Variants in CHSY1 observed in about 807,000 individuals in gnomAD.
CHSY1 encodes the protein N-acetylgalactosaminyl-proteoglycan 3-beta-glucuronosyltransferase 1.
In CHSY1, 13 loss-of-function variants were observed where a neutral mutation model predicts 59.8. The ratio of observed to expected loss-of-function variants is 0.22; its 90% CI spans 0.14 to 0.35. The LOEUF is 0.35. CHSY1 is among the 10% of genes least tolerant of loss of function. CHSY1 has a pLI of 1.00. For missense variants in CHSY1, 947 were observed against 1,030.6 expected (o/e 0.92, Z 1.11); for synonymous variants, 459 against 401.2 (o/e 1.14, Z -1.72).
chr15:101,196,122 G>A (rs143518367), intron 2 of CHSY1, among the ~76,000 whole-genome samples: 1,683 of 151,238 alleles, frequency 0.011, 35 homozygotes, highest in African/African-American at 0.039. Context: ...AGTGGAGGGC[G>A]CCTGTAATTC....
intron 2 of CHSY1, among the ~76,000 whole-genome samples, chr15:101,203,760 A>C (rs1278772139): frequency 6.6e-6 from 1 of 152,230 alleles, no homozygotes; most frequent in Non-Finnish European, 1.5e-5. Flanking sequence ...GAAACATCAG[A>C]TAAACCCAGA....
At chr15:101,237,076 T>A (rs1214504914) in intron 1 of CHSY1, among the ~76,000 whole-genome samples, 1 of 150,604 alleles carries the variant, frequency 6.6e-6, no homozygotes, top group Admixed American at 6.6e-5. Context: ...ATACAAAATT[T>A]AGCCAGGCAT....
At chr15:101,212,857 G>A (rs2038695706) in intron 2 of CHSY1, among the ~76,000 whole-genome samples, 1 of 152,140 alleles carries the variant, frequency 6.6e-6, no homozygotes, top group Non-Finnish European at 1.5e-5. Context: ...ACTCTGAAAT[G>A]CATCAAAATA....
intron 2 of CHSY1, among the ~76,000 whole-genome samples, chr15:101,231,249 G>A (rs575845186): frequency 1.3e-5 from 2 of 152,300 alleles, no homozygotes; most frequent in South Asian, 2.1e-4. Context: ...TAGCCCGAAC[G>A]TCCATCAAAA....
At chr15:101,231,570 C>A (rs2038893025) in intron 2 of CHSY1, among the ~76,000 whole-genome samples, 1 of 152,168 alleles carries the variant, frequency 6.6e-6, no homozygotes, top group Non-Finnish European at 1.5e-5. Flanking sequence ...CTCCAAATTT[C>A]ATCAATAATC....
At chr15:101,225,755 A>C (rs1018890867) in intron 2 of CHSY1, among the ~76,000 whole-genome samples, 8 of 152,206 alleles carry the variant, frequency 5.3e-5, no homozygotes, top group African/African-American at 1.9e-4. Flanking sequence ...TTTTCTTTAT[A>C]AATTACCCAG....
chr15:101,223,119 G>A lies in CHSY1; in HGVS notation c.816+11963C>T, dbSNP rs1425182797. ...AGTGATTTTCCTGCCTCAGCCTCCC[G>A]AGCAGCTGGGATTACAGGCACCCAC... On this transcript the variant is annotated intron_variant, in intron 2 of 2. Transcript: ENST00000254190. 9.9e-5 allele frequency among the ~76,000 whole-genome samples: 15 copies of A among 152,152 alleles called. 1 individual carries two copies. The highest frequency in any genetic ancestry group is 6.3e-4 in the South Asian group (3 of 4,800).
chr15:101,185,795 G>A (rs941086177), intron 2 of CHSY1, among the ~76,000 whole-genome samples: 33 of 150,250 alleles, frequency 2.2e-4, no homozygotes, highest in Non-Finnish European at 3.2e-4. Context: ...TTTTCTTTGA[G>A]GATGCGTATT....
rs773396835 is a variant in CHSY1, at chr15:101,178,485, G to A, written c.1312C>T (p.Arg438Trp). Residue 438 changes from arginine (R) to tryptophan (W), a missense_variant, in exon 3 of 3, where the codon CGG becomes TGG. This residue lies in a region of CHSY1 where 602 missense variants were observed against 676.9 expected (regional missense o/e 0.89). Transcript: ENST00000254190. ...TCAGCCCCATACATGGGGTTCACCC[G>A]GCGGTAGCCGTACTGGATCTCTTTG... ...DFKEIQYGYR[R>W]VNPMYGAEYI... 13 of 1,614,074 alleles carry A rather than the reference G, an allele frequency of 8.1e-6. No individual in the cohort carries two copies. Among genetic ancestry groups the A allele is most frequent in the Non-Finnish European group, 1.0e-5 (12 of 1,180,056 alleles).
intron 2 of CHSY1, among the ~76,000 whole-genome samples, chr15:101,209,175 T>C (rs2038658440): frequency 6.6e-6 from 1 of 152,160 alleles, no homozygotes; most frequent in African/African-American, 2.4e-5. Flanking sequence ...ATACTACCAA[T>C]AACAGAGCAA....
At chr15:101,191,419 G>T (rs1043010175) in intron 2 of CHSY1, among the ~76,000 whole-genome samples, 1 of 152,186 alleles carries the variant, frequency 6.6e-6, no homozygotes, top group African/African-American at 2.4e-5. Context: ...GGGTTACAGG[G>T]GAAGGAAGGA....
rs140456299 is a variant in CHSY1, at chr15:101,223,290, C to A, written c.816+11792G>T. On this transcript the variant is annotated intron_variant, in intron 2 of 2. Coordinates refer to ENST00000254190, the MANE Select transcript of CHSY1 (RefSeq NM_014918.5). ...GATGACATGAGCCACCATGCCCGGC[C>A]AACTACTTTGTTTAAACTATAATTT... Among the ~76,000 whole-genome samples the A allele has an allele frequency of 2.9e-3, 441 of 152,330 alleles. 3 individuals are homozygous for A. Among genetic ancestry groups the A allele is most frequent in the African/African-American group, 0.01 (423 of 41,554 alleles).
chr15:101,235,674 G>A (rs773717074), intron 1 of CHSY1, 97 bp from the exon 2 acceptor site: 78 of 1,378,528 alleles, frequency 5.7e-5, no homozygotes, highest in Non-Finnish European at 7.8e-5. Context: ...CGTGTTCAAT[G>A]GAATGATAAA....
At chr15:101,248,589 G>T (rs868205001) in intron 1 of CHSY1, among the ~76,000 whole-genome samples, 1 of 152,086 alleles carries the variant, frequency 6.6e-6, no homozygotes, top group East Asian at 1.9e-4. Flanking sequence ...CCCCGCCTGG[G>T]GGCAAACTGT....
intron 1 of CHSY1, among the ~76,000 whole-genome samples, chr15:101,249,046 G>A (rs1261658488): frequency 7.5e-5 from 11 of 146,500 alleles, no homozygotes; most frequent in Admixed American, 2.8e-4. Context: ...CTCATGATCC[G>A]CCCGCCTCGG....
At chr15:101,191,519 C>G (rs144781126) in intron 2 of CHSY1, among the ~76,000 whole-genome samples, 30 of 152,204 alleles carry the variant, frequency 2.0e-4, no homozygotes, top group African/African-American at 6.7e-4. Context: ...TTGTTTAAAC[C>G]CACAGAATGT....
Position 101,215,998 on chromosome 15 carries a change from C to A in CHSY1, c.816+19084G>T, listed in dbSNP as rs553435698. 3.3e-5 allele frequency among the ~76,000 whole-genome samples: 5 copies of A among 152,170 alleles called. No individual in the cohort carries two copies. In the East Asian group the frequency reaches 7.7e-4, roughly 23 times the overall value. On this transcript the variant is annotated intron_variant, in intron 2 of 2. Coordinates refer to ENST00000254190, the MANE Select transcript of CHSY1 (RefSeq NM_014918.5). ...AATCAAACCCAACCTCAGAGAAGATCACTTCAACAATTTTCCATATGCTCA... is the reference window on the plus strand; with the variant it reads ...AATCAAACCCAACCTCAGAGAAGATAACTTCAACAATTTTCCATATGCTCA...
At chr15:101,231,071 G>C (rs183453890) in intron 2 of CHSY1, among the ~76,000 whole-genome samples, 312 of 152,254 alleles carry the variant, frequency 2.0e-3, no homozygotes, top group African/African-American at 7.3e-3. Flanking sequence ...AGAGTGGTAT[G>C]GGGCTGTAGG....
chr15:101,209,155 A>G (rs560687782), intron 2 of CHSY1, among the ~76,000 whole-genome samples: 4 of 152,326 alleles, frequency 2.6e-5, no homozygotes, highest in African/African-American at 9.6e-5. Context: ...TAGTTAAATG[A>G]CCAAAGTTAA....
Sources: allele counts gnomAD v4.1 joint callset (sites outside exome capture counted in the v4.1 genomes callset), GRCh38; gene constraint gnomAD v4.1.1; regional missense constraint gnomAD v4.1.1; transcripts MANE v1.5; gene names NCBI Gene and HGNC (gene_info 2026-07-23, HGNC 2026-07-21).